Variants in UACA observed in about 807,000 individuals in gnomAD.
UACA encodes the protein nuclear membrane binding protein.
Under a neutral mutation model 160.5 loss-of-function variants are expected in UACA, and 112 were observed. The observed-to-expected ratio is 0.70, with a 90% CI of 0.60 to 0.82. UACA has a LOEUF of 0.82. UACA is among the 40% of genes least tolerant of loss of function. The pLI, the probability that UACA is intolerant of heterozygous loss-of-function variation, is 0.00. For missense variants in UACA, 1,574 were observed against 1,614.6 expected (o/e 0.97, Z 0.43); for synonymous variants, 557 against 568.4 (o/e 0.98, Z 0.29).
chr15:70,765,051 C>A (rs2030970618), upstream of UACA, among the ~76,000 whole-genome samples: 1 of 152,200 alleles, frequency 6.6e-6, no homozygotes, highest in Non-Finnish European at 1.5e-5. Flanking sequence ...CGAATAAAAT[C>A]TAATTCTTTG....
chr15:70,739,197 G>T (rs1435563256), intron 1 of UACA, among the ~76,000 whole-genome samples: 3 of 152,176 alleles, frequency 2.0e-5, no homozygotes, highest in African/African-American at 7.2e-5. Flanking sequence ...AAAATGAAAT[G>T]CACAAAGGAT....
intron 1 of UACA, among the ~76,000 whole-genome samples, chr15:70,748,442 G>A (rs1289176107): frequency 6.6e-6 from 1 of 152,178 alleles, no homozygotes; most frequent in East Asian, 1.9e-4. Flanking sequence ...GACAGATGCA[G>A]CAGTGAAGCC....
chr15:70,722,766 TA>T (rs2140989234), intron 1 of UACA, among the ~76,000 whole-genome samples: 1 of 152,366 alleles, frequency 6.6e-6, no homozygotes, highest in South Asian at 2.1e-4. Context: ...TACTGATGAA[TA>T]TTCCTGACTG....
chr15:70,758,599 C>T (rs896817800), intron 1 of UACA: 2 of 152,130 alleles, frequency 1.3e-5, no homozygotes, highest in Non-Finnish European at 2.9e-5. Context: ...CATGTTTAAT[C>T]CTTTATGCTT....
intron 13 of UACA, 51 bp from the exon 14 acceptor site, chr15:70,672,052 T>A: frequency 6.6e-7 from 1 of 1,522,274 alleles, no homozygotes; most frequent in Non-Finnish European, 8.9e-7. Flanking sequence ...CTCATTTTGT[T>A]AAATTCTGTA....
chr15:70,749,078 G>T (rs991997878), intron 1 of UACA: 1 of 195,688 alleles, frequency 5.1e-6, no homozygotes, highest in African/African-American at 2.4e-5. Flanking sequence ...AAAGATATGA[G>T]TGAGTGTGCA....
At chr15:70,750,170 T>G (rs904821499) in intron 1 of UACA, among the ~76,000 whole-genome samples, 4 of 152,158 alleles carry the variant, frequency 2.6e-5, no homozygotes, top group African/African-American at 9.7e-5. Context: ...AATTCTTGCC[T>G]ATAATATTTC....
At chr15:70,702,679 T>C (rs1321411863) in intron 1 of UACA, among the ~76,000 whole-genome samples, 2 of 152,168 alleles carry the variant, frequency 1.3e-5, no homozygotes, top group African/African-American at 4.8e-5. Context: ...AGCAAACGTG[T>C]CACATTTTAA....
At chr15:70,745,085 T>G (rs940780470) in intron 1 of UACA, among the ~76,000 whole-genome samples, 19 of 152,076 alleles carry the variant, frequency 1.2e-4, no homozygotes, top group African/African-American at 4.6e-4. Flanking sequence ...TTACAAGGGA[T>G]GTGAAGGACC....
intron 1 of UACA, among the ~76,000 whole-genome samples, chr15:70,757,131 T>C (rs1334496090): frequency 6.6e-6 from 1 of 152,240 alleles, no homozygotes; most frequent in Non-Finnish European, 1.5e-5. Flanking sequence ...TTTCCTTTTC[T>C]TACAATTTAT....
Position 70,655,818 on chromosome 15 carries a change from G to A in UACA, c.*1238C>T, listed in dbSNP as rs979438692. 2 of 152,118 alleles carry A rather than the reference G, an allele frequency of 1.3e-5. No homozygotes were observed. Among genetic ancestry groups the A allele is most frequent in the African/African-American group, 2.4e-5 (1 of 41,420 alleles). 9.4% of individuals were successfully genotyped at this position (152,118 alleles called of 1,614,324 possible). On this transcript the variant is annotated 3_prime_UTR_variant, in exon 19 of 19. Coordinates refer to ENST00000322954, the MANE Select transcript of UACA (RefSeq NM_018003.4). ...TGGTTCGGGATGTTCAAAGATAATTGCTAAGGCAAATTTTGCAATTTGAGA... is the reference window on the plus strand; with the variant it reads ...TGGTTCGGGATGTTCAAAGATAATTACTAAGGCAAATTTTGCAATTTGAGA...
chr15:70,727,385 CT>C (rs1306320783), intron 1 of UACA, among the ~76,000 whole-genome samples: 1 of 151,976 alleles, frequency 6.6e-6, no homozygotes, highest in African/African-American at 2.4e-5. Flanking sequence ...TTAAAAATTG[CT>C]GTATAACCAG....
At chr15:70,737,174 G>A (rs924876375) in intron 1 of UACA, among the ~76,000 whole-genome samples, 1 of 152,190 alleles carries the variant, frequency 6.6e-6, no homozygotes, top group Non-Finnish European at 1.5e-5. Context: ...GGGGCTGAGT[G>A]TTTGAAACCA....
At chr15:70,696,758 T>C (rs1361580352) in intron 2 of UACA, among the ~76,000 whole-genome samples, 1 of 152,224 alleles carries the variant, frequency 6.6e-6, no homozygotes, top group Non-Finnish European at 1.5e-5. Context: ...TGAAGAATGC[T>C]AATTTCCTTT....
At chr15:70,701,438 G>A (rs1166874254) in intron 1 of UACA, among the ~76,000 whole-genome samples, 2 of 152,180 alleles carry the variant, frequency 1.3e-5, no homozygotes, top group African/African-American at 4.8e-5. Context: ...TTCTAGATTT[G>A]ATTAGTCTAT....
chr15:70,658,945 T>C (rs926724800), intron 18 of UACA, among the ~76,000 whole-genome samples: 2 of 152,228 alleles, frequency 1.3e-5, no homozygotes, highest in East Asian at 1.9e-4. Flanking sequence ...TAGAAAATAA[T>C]TTCAAATTCC....
At chr15:70,769,883 G>C in the UACA span, among the ~76,000 whole-genome samples, 7 of 152,144 alleles carry the variant, frequency 4.6e-5, no homozygotes, top group East Asian at 3.8e-4. Flanking sequence ...TGTAATCCCA[G>C]CCACTCAGGT....
intron 1 of UACA, among the ~76,000 whole-genome samples, chr15:70,717,740 C>A (rs147561152): frequency 6.6e-6 from 1 of 152,236 alleles, no homozygotes; most frequent in African/African-American, 2.4e-5. Context: ...CAGTTTGGTT[C>A]TGCTATGGTG....
chr15:70,710,998 GTCT>G (rs1898666668), intron 1 of UACA, among the ~76,000 whole-genome samples: 2 of 152,140 alleles, frequency 1.3e-5, no homozygotes, highest in Non-Finnish European at 2.9e-5. Flanking sequence ...TCATGGCTTG[GTCT>G]TTCTGGAAGA....
Sources: gnomAD v4.1 joint callset for allele counts (sites outside exome capture counted in the v4.1 genomes callset) on GRCh38, gnomAD v4.1.1 for gene constraint, MANE v1.5 for transcripts, NCBI Gene and HGNC (gene_info 2026-07-23, HGNC 2026-07-21) for gene names.